Variants in LAMB4 observed in about 807,000 individuals in gnomAD.
LAMB4 encodes laminin subunit beta-4.
LAMB4 carries 196 observed loss-of-function variants against 199.2 expected under a neutral mutation model. The ratio of observed to expected loss-of-function variants is 0.98; its 90% CI spans 0.88 to 1.11. The LOEUF (loss-of-function observed/expected upper bound fraction) is 1.11, where lower values mean the gene tolerates loss of function less well. LAMB4 is among the 50% of genes least tolerant of loss of function. The pLI, the probability that LAMB4 is intolerant of heterozygous loss-of-function variation, is 0.00. For synonymous variants in LAMB4, 744 were observed against 770.6 expected (o/e 0.97, Z 0.57); for missense variants, 2,080 against 2,171.2 (o/e 0.96, Z 0.83).
intron 17 of LAMB4, among the ~76,000 whole-genome samples, chr7:108,073,185 T>C (rs1263156683): frequency 2.0e-5 from 3 of 152,210 alleles, no homozygotes; most frequent in Non-Finnish European, 2.9e-5. Flanking sequence ...TTTGTACTTT[T>C]AGTAGAGACG....
intron 5 of LAMB4, among the ~76,000 whole-genome samples, chr7:108,108,131 G>A (rs2038091508): frequency 6.6e-6 from 1 of 151,952 alleles, no homozygotes; most frequent in African/African-American, 2.4e-5. Context: ...CCAGAGTTTT[G>A]CCATGTTGCC....
At position 108,055,972 on chromosome 7, in the gene LAMB4, T is replaced by A. The variant is rs2035971359; in HGVS notation, c.3415A>T (p.Ile1139Phe). 1.2e-6 allele frequency: 2 copies of A among 1,613,822 alleles called. No individual in the cohort carries two copies. Among genetic ancestry groups the A allele is most frequent in the South Asian group, 2.2e-5 (2 of 91,042 alleles). The part of the protein sequence containing the change: ...DCNRAGTQKP[I>F]CDPDTGMCRC... Reference sequence around the variant, plus strand: ...CACATGCCTGTGTCTGGATCACAGATGGGCTTCTGGGTACCTGCCCTGTTA... The same window carrying A: ...CACATGCCTGTGTCTGGATCACAGAAGGGCTTCTGGGTACCTGCCCTGTTA... The change falls in exon 25 of 34, where the codon ATC becomes TTC. Residue 1139 changes from isoleucine to phenylalanine, a missense_variant. Coordinates refer to ENST00000388781, the MANE Select transcript of LAMB4 (RefSeq NM_007356.3).
intron 12 of LAMB4, among the ~76,000 whole-genome samples, chr7:108,093,533 T>C (rs1026407005): frequency 1.3e-5 from 2 of 152,206 alleles, no homozygotes; most frequent in Non-Finnish European, 2.9e-5. Flanking sequence ...CAATCAGTTG[T>C]TTTGGCATAA....
In LAMB4 at chr7:108,065,865, G is replaced by A. The variant is rs2036318992; in HGVS notation, c.2733C>T (p.Cys911=). The change falls in exon 21 of 34, where the codon TGC becomes TGT. Residue 911 remains cysteine, a synonymous_variant. Transcript: ENST00000388781. ...TGCTTGAGGGATCATCTGGACACAG[G>A]CAAGGACGACAGGGCTGTCCTGAAG... ...NPSSGQPCRP[C]LCPDDPSSNQ... is the part of the protein sequence containing the mutation. The A allele has an allele frequency of 1.2e-6, 2 of 1,613,902 alleles. No individual in the cohort carries two copies. Among genetic ancestry groups the A allele is most frequent in the Admixed American group, 1.7e-5 (1 of 60,006 alleles).
At chr7:108,068,860 A>G (rs1399298761) in intron 18 of LAMB4, among the ~76,000 whole-genome samples, 2 of 151,502 alleles carry the variant, frequency 1.3e-5, no homozygotes, top group Non-Finnish European at 2.9e-5. Flanking sequence ...CACCTGGCTA[A>G]TTTTTAGTAA....
chr7:108,042,755 A>G (rs530728192), intron 29 of LAMB4, among the ~76,000 whole-genome samples: 1 of 152,266 alleles, frequency 6.6e-6, no homozygotes, highest in South Asian at 2.1e-4. Context: ...AAAAAAACAA[A>G]CCCAAAAAAC....
In LAMB4 at chr7:108,079,831, C is replaced by A. The variant is rs755596553; in HGVS notation, c.1702-45G>T. On this transcript the variant is annotated intron_variant, in intron 14 of 33. Coordinates refer to ENST00000388781, the MANE Select transcript of LAMB4 (RefSeq NM_007356.3). Reference sequence around the variant, plus strand: ...TAAATAGCTTTGCCTACAGTCAAGGCCTGAAAGAGTTCAAGAAAACCAGTC... The same window carrying A: ...TAAATAGCTTTGCCTACAGTCAAGGACTGAAAGAGTTCAAGAAAACCAGTC... The A allele has an allele frequency of 3.4e-6, 5 of 1,455,214 alleles. No individual in the cohort carries two copies. The South Asian group carries it at 7.3e-5, about 21-fold the overall frequency. The allele number at this position is 1,455,214 out of a possible 1,614,324, so 90.1% of individuals were successfully genotyped here.
At chr7:108,095,940 G>A (rs942618450) in intron 11 of LAMB4, among the ~76,000 whole-genome samples, 1 of 152,120 alleles carries the variant, frequency 6.6e-6, no homozygotes, top group Non-Finnish European at 1.5e-5. Context: ...AATAAAAGTG[G>A]CACCTCTGTA....
intron 14 of LAMB4, among the ~76,000 whole-genome samples, chr7:108,080,134 T>G (rs1453045304): frequency 1.3e-5 from 2 of 152,186 alleles, no homozygotes; most frequent in Non-Finnish European, 2.9e-5. Context: ...CTTCCCAAAA[T>G]ATGGAGGCTA....
At chr7:108,127,583 T>C (rs1209490228) in intron 1 of LAMB4, among the ~76,000 whole-genome samples, 3 of 152,200 alleles carry the variant, frequency 2.0e-5, no homozygotes, top group Non-Finnish European at 2.9e-5. Context: ...CAAACTTACA[T>C]GGTTGGTCAC....
chr7:108,078,383 A>G (rs986001727), intron 15 of LAMB4, 67 bp from the exon 16 acceptor site: 18 of 964,394 alleles, frequency 1.9e-5, no homozygotes, highest in Middle Eastern at 4.1e-4. Context: ...ACGTACACAC[A>G]TATAGCTAAT....
intron 15 of LAMB4, among the ~76,000 whole-genome samples, chr7:108,078,809 T>C (rs1456165818): frequency 1.3e-5 from 2 of 152,234 alleles, no homozygotes; most frequent in African/African-American, 2.4e-5. Context: ...GGCTTTCTTA[T>C]CATATTCACT....
intron 2 of LAMB4, among the ~76,000 whole-genome samples, chr7:108,117,410 A>C (rs972523685): frequency 6.6e-6 from 1 of 152,236 alleles, no homozygotes; most frequent in African/African-American, 2.4e-5. Flanking sequence ...TTGGTAAGCA[A>C]TAATTTATTA....
At chr7:108,086,696 A>C (rs759518911) in intron 14 of LAMB4, among the ~76,000 whole-genome samples, 1 of 152,174 alleles carries the variant, frequency 6.6e-6, no homozygotes, top group African/African-American at 2.4e-5. Context: ...TTCCCAATGA[A>C]TAACACAGAT....
chr7:108,121,186 T>C (rs554993542), intron 2 of LAMB4, among the ~76,000 whole-genome samples: 3 of 152,318 alleles, frequency 2.0e-5, no homozygotes, highest in Non-Finnish European at 2.9e-5. Context: ...AACCTGAAGA[T>C]AGAATGTTAT....
At position 108,085,269 on chromosome 7, in the gene LAMB4, G is replaced by A. The variant is rs1199277267; in HGVS notation, c.1702-5483C>T. On this transcript the variant is annotated intron_variant, in intron 14 of 33. Transcript: ENST00000388781. The stretch of plus-strand genomic sequence containing the variant: ...GTGTTCTCACAGTTCTGTTAAGAAT[G>A]AAATACATATGTATATATGACTACA... Among the ~76,000 whole-genome samples the A allele has an allele frequency of 2.0e-5, 3 of 152,168 alleles. No individual in the cohort carries two copies. In the East Asian group the frequency reaches 5.8e-4, roughly 29 times the overall value.
At chr7:108,070,265 T>C (rs115360224) in intron 17 of LAMB4, among the ~76,000 whole-genome samples, 1,646 of 152,370 alleles carry the variant, frequency 0.011, 21 homozygotes, top group African/African-American at 0.037. Context: ...CCTGTGCAGA[T>C]ACATCTCCTC....
At chr7:108,084,933 T>C (rs368372633) in intron 14 of LAMB4, among the ~76,000 whole-genome samples, 50 of 151,714 alleles carry the variant, frequency 3.3e-4, no homozygotes, top group African/African-American at 1.1e-3. Flanking sequence ...TTTGCAGAGA[T>C]GGGGTCTCAA....
At chr7:108,013,390 G>A in the LAMB4 span, among the ~76,000 whole-genome samples, 1 of 152,152 alleles carries the variant, frequency 6.6e-6, no homozygotes, top group Non-Finnish European at 1.5e-5. Flanking sequence ...CATATCACAT[G>A]TTTCACTTTA....
Sources: allele counts gnomAD v4.1 joint callset (sites outside exome capture counted in the v4.1 genomes callset), GRCh38; gene constraint gnomAD v4.1.1; transcripts MANE v1.5; gene names NCBI Gene and HGNC (gene_info 2026-07-23, HGNC 2026-07-21).